Variants in CHRM3 observed in about 807,000 individuals in gnomAD.
The protein encoded by CHRM3 is cholinergic receptor muscarinic 3, also known as muscarinic acetylcholine receptor M3.
Under a neutral mutation model 41.8 loss-of-function variants are expected in CHRM3, and 11 were observed. That is an observed-to-expected ratio of 0.26 (90% CI 0.17 to 0.44). The LOEUF (loss-of-function observed/expected upper bound fraction) is 0.44. Ranked by LOEUF, CHRM3 falls within the 20% of genes least tolerant of loss-of-function variation. The pLI is 1.00. For missense variants in CHRM3, 571 were observed against 745.4 expected (o/e 0.77, Z 2.72); for synonymous variants, 297 against 301.4 (o/e 0.99, Z 0.15).
At position 239,704,800 on chromosome 1, in the gene CHRM3, T is replaced by C. The variant is rs1349985693; in HGVS notation, c.-147+26512T>C. Reference sequence around the variant, plus strand: ...GAGGGAGCTTAGAGGAATACATTTATTCCAACAAGGGTTACGGCAGAATTT... The same window carrying C: ...GAGGGAGCTTAGAGGAATACATTTACTCCAACAAGGGTTACGGCAGAATTT... On this transcript the variant is annotated intron_variant, in intron 5 of 6. Coordinates refer to ENST00000676153, the MANE Select transcript of CHRM3 (RefSeq NM_001375978.1). 3.3e-5 allele frequency: 5 copies of C among 152,212 alleles called. No individual in the cohort carries two copies. In the East Asian group the frequency reaches 7.7e-4, roughly 23 times the overall value. The allele number at this position is 152,212 out of a possible 1,614,324, so 9.4% of individuals were successfully genotyped here.
intron 5 of CHRM3, among the ~76,000 whole-genome samples, chr1:239,820,430 C>T (rs1671943810): frequency 6.6e-6 from 1 of 152,184 alleles, no homozygotes; most frequent in South Asian, 2.1e-4. Context: ...TGTTGGCAGA[C>T]TTTCGTCTTC....
At chr1:239,709,628 A>G (rs2148198484) in intron 5 of CHRM3, among the ~76,000 whole-genome samples, 1 of 152,338 alleles carries the variant, frequency 6.6e-6, no homozygotes, top group Admixed American at 6.5e-5. Context: ...AGCTGCTAAA[A>G]GGGGGCTATA....
In CHRM3 at chr1:239,840,081, A is replaced by G. The variant is rs570855932; in HGVS notation, c.-20+12703A>G. 2.0e-5 allele frequency among the ~76,000 whole-genome samples: 3 copies of G among 152,318 alleles called. No individual in the cohort carries two copies. The South Asian group carries it at 6.2e-4, about 32-fold the overall frequency. Reference sequence around the variant, plus strand: ...TGTAAATAACAAACATGGAACTGACATCTCTGTTGACCAGCACTCAATCTC... The same window carrying G: ...TGTAAATAACAAACATGGAACTGACGTCTCTGTTGACCAGCACTCAATCTC... On this transcript the variant is annotated intron_variant, in intron 6 of 6. Coordinates refer to ENST00000676153, the MANE Select transcript of CHRM3 (RefSeq NM_001375978.1).
Position 239,545,720 on chromosome 1 carries a change from C to G in CHRM3, c.-342C>G, listed in dbSNP as rs1057498552. The G allele has an allele frequency of 5.3e-5, 8 of 152,138 alleles. No homozygotes were observed. Among genetic ancestry groups the G allele is most frequent in the African/African-American group, 1.9e-4 (8 of 41,434 alleles). 9.4% of individuals were successfully genotyped at this position (152,138 alleles called of 1,614,324 possible). A position where few individuals can be genotyped will look rare whatever the true frequency, so the allele number is the denominator to read the frequency against. On this transcript the variant is annotated 5_prime_UTR_variant, in exon 3 of 7. The change creates a new upstream start codon in the 5' untranslated region. Coordinates refer to ENST00000676153, the MANE Select transcript of CHRM3 (RefSeq NM_001375978.1). Reference sequence around the variant, plus strand: ...TTGAATGAACTGTATCCATCCCCATCATGATGTACAGAACCAAGTCTCTTC... The same window carrying G: ...TTGAATGAACTGTATCCATCCCCATGATGATGTACAGAACCAAGTCTCTTC...
chr1:239,414,644 C>A (rs1366405606), intron 1 of CHRM3, among the ~76,000 whole-genome samples: 2 of 152,170 alleles, frequency 1.3e-5, no homozygotes, highest in African/African-American at 4.8e-5. Context: ...ATACTGCCTT[C>A]CATTAAATTC....
intron 6 of CHRM3, among the ~76,000 whole-genome samples, chr1:239,882,272 A>G (rs1677707768): frequency 6.6e-6 from 1 of 152,104 alleles, no homozygotes; most frequent in African/African-American, 2.4e-5. Context: ...GCCCTAAATC[A>G]TATGCTAATT....
chr1:239,548,986 G>A (rs1659548860), intron 3 of CHRM3, among the ~76,000 whole-genome samples: 1 of 152,156 alleles, frequency 6.6e-6, no homozygotes, highest in Non-Finnish European at 1.5e-5. Flanking sequence ...GGTTCTATGT[G>A]GCTGGGGAGG....
intron 5 of CHRM3, among the ~76,000 whole-genome samples, chr1:239,717,467 G>GCACA (rs3063637): frequency 2.1e-4 from 32 of 150,456 alleles, no homozygotes; most frequent in Non-Finnish European, 3.4e-4. Flanking sequence ...AGACACACAC[G>GCACA]CACACACACA....
chr1:239,735,213 T>C (rs1664296586), intron 5 of CHRM3, among the ~76,000 whole-genome samples: 2 of 152,112 alleles, frequency 1.3e-5, no homozygotes, highest in African/African-American at 4.8e-5. Flanking sequence ...CCTGCATGTG[T>C]CTTCTTTCAA....
chr1:239,882,975 G>A (rs1249543362), intron 6 of CHRM3, among the ~76,000 whole-genome samples: 1 of 152,216 alleles, frequency 6.6e-6, no homozygotes, highest in Non-Finnish European at 1.5e-5. Flanking sequence ...TCTTCAAGAT[G>A]ATTTGAGGAT....
intron 1 of CHRM3, among the ~76,000 whole-genome samples, chr1:239,438,644 G>A (rs183315796): frequency 6.6e-6 from 1 of 152,212 alleles, no homozygotes; most frequent in Admixed American, 6.5e-5. Context: ...TTGAGATTTG[G>A]GAGGCTTTCA....
chr1:239,805,165 A>C (rs1462188066), intron 5 of CHRM3, among the ~76,000 whole-genome samples: 1 of 152,142 alleles, frequency 6.6e-6, no homozygotes, highest in African/African-American at 2.4e-5. Context: ...ATCCCTGCAA[A>C]TGGGAGGATG....
chr1:239,390,105 A>G (rs144139326), intron 1 of CHRM3, among the ~76,000 whole-genome samples: 322 of 152,338 alleles, frequency 2.1e-3, no homozygotes, highest in African/African-American at 7.5e-3. Context: ...ATGTTTGTGA[A>G]TTTAAAATGT....
In CHRM3 at chr1:239,452,920, C is replaced by T. The variant is rs561547821; in HGVS notation, c.-520-39789C>T. ...GGTTCACGCCATTCTCCTGCCTCAG[C>T]CTCCCGAGTAGCTGGGACTACAGGC... On this transcript the variant is annotated intron_variant, in intron 1 of 6. Coordinates refer to ENST00000676153, the MANE Select transcript of CHRM3 (RefSeq NM_001375978.1). 1.1e-4 allele frequency among the ~76,000 whole-genome samples: 16 copies of T among 152,274 alleles called. No individual in the cohort carries two copies. The South Asian group carries it at 3.1e-3, about 30-fold the overall frequency.
chr1:239,469,182 T>C (rs973785480), intron 1 of CHRM3, among the ~76,000 whole-genome samples: 12 of 152,258 alleles, frequency 7.9e-5, no homozygotes, highest in African/African-American at 2.4e-4. Flanking sequence ...GTTTATTTTA[T>C]AGGGTTATTG....
At chr1:239,697,677 C>T (rs1265407041) in intron 5 of CHRM3, among the ~76,000 whole-genome samples, 1 of 152,086 alleles carries the variant, frequency 6.6e-6, no homozygotes. Context: ...TTTAAAACTA[C>T]AGTAGTTTTA....
chr1:239,549,877 C>G (rs974631288), intron 3 of CHRM3, among the ~76,000 whole-genome samples: 1 of 151,696 alleles, frequency 6.6e-6, no homozygotes, highest in African/African-American at 2.4e-5. Flanking sequence ...TACTACAGTG[C>G]GATTCTGAGA....
Position 239,875,733 on chromosome 1 carries a change from G to A in CHRM3, c.-19-31700G>A, listed in dbSNP as rs550270601. On this transcript the variant is annotated intron_variant, in intron 6 of 6. Coordinates refer to ENST00000676153, the MANE Select transcript of CHRM3 (RefSeq NM_001375978.1). ...TTGTTGGTCTTCAATACTGGTGTTC[G>A]ATTTAGCATGTTGGGGTAATGAGTA... Among the ~76,000 whole-genome samples the A allele has an allele frequency of 3.3e-5, 5 of 152,292 alleles. No individual in the cohort carries two copies. In the South Asian group the frequency reaches 6.2e-4, roughly 19 times the overall value.
intron 2 of CHRM3, among the ~76,000 whole-genome samples, chr1:239,530,391 C>A (rs989072254): frequency 6.6e-6 from 1 of 152,096 alleles, no homozygotes; most frequent in Admixed American, 6.5e-5. Flanking sequence ...TTTATGTTGA[C>A]ATTTAAAAGA....
Sources: gnomAD v4.1 joint callset for allele counts (sites outside exome capture counted in the v4.1 genomes callset) on GRCh38, gnomAD v4.1.1 for gene constraint, MANE v1.5 for transcripts, NCBI Gene and HGNC (gene_info 2026-07-23, HGNC 2026-07-21) for gene names.